Variants in SARS2 observed in about 807,000 individuals in gnomAD.
SARS2 encodes serine--tRNA ligase, mitochondrial.
SARS2 carries 52 observed loss-of-function variants against 66.8 expected under a neutral mutation model. The ratio of observed to expected loss-of-function variants is 0.78; its 90% CI spans 0.62 to 0.98. The LOEUF (loss-of-function observed/expected upper bound fraction) is 0.98, where lower values mean the gene tolerates loss of function less well. Ranked by LOEUF, SARS2 falls within the 50% of genes least tolerant of loss-of-function variation. The pLI, the probability that SARS2 is intolerant of heterozygous loss-of-function variation, is 0.00. For synonymous variants in SARS2, 306 were observed against 281.4 expected (o/e 1.09, Z -0.87); for missense variants, 673 against 706.3 (o/e 0.95, Z 0.53).
chr19:38,920,924 T>C (rs1170393629), intron 5 of SARS2, among the ~76,000 whole-genome samples: 13 of 127,780 alleles, frequency 1.0e-4, no homozygotes, highest in African/African-American at 3.4e-4. Context: ...CACACAGAGA[T>C]AGACACACAC....
chr19:38,926,328 T>G (rs370855951), intron 1 of SARS2, 28 bp from the exon 2 acceptor site: 1 of 1,594,614 alleles, frequency 6.3e-7, no homozygotes, highest in African/African-American at 1.3e-5. Flanking sequence ...GAAAAGGAGA[T>G]GAAGCAGCCA....
intron 1 of SARS2, among the ~76,000 whole-genome samples, chr19:38,929,276 T>C (rs1466128820): frequency 6.9e-6 from 1 of 144,942 alleles, no homozygotes; most frequent in Admixed American, 6.9e-5. Flanking sequence ...TTGTGGAGTC[T>C]GGGTGTGGTG....
rs752862405 is a variant in SARS2, at chr19:38,919,855, G to A, written c.666C>T (p.His222=). The stretch of plus-strand genomic sequence containing the variant: ...GGTAATAGGACCGGTGGCCAGACAC[G>A]TGGGACAGGCGCCTGGGAGACAGAC... ...LDIIRQKRLS[H]VSGHRSYYLR... The change falls in exon 7 of 16, where the codon CAC becomes CAT. Residue 222 remains histidine (H), a synonymous_variant. Coordinates refer to ENST00000221431, the MANE Select transcript of SARS2 (RefSeq NM_017827.4). The A allele has an allele frequency of 3.7e-6, 6 of 1,614,002 alleles. No individual in the cohort carries two copies. The highest frequency in any genetic ancestry group is 1.1e-5 in the South Asian group (1 of 91,060).
chr19:38,917,801 C>T lies in SARS2; in HGVS notation c.1083G>A (p.Leu361=). The T allele has an allele frequency of 6.2e-7, 1 of 1,614,154 alleles. No homozygotes were observed. Among genetic ancestry groups the T allele is most frequent in the Non-Finnish European group, 8.5e-7 (1 of 1,180,000 alleles). The stretch of plus-strand genomic sequence containing the variant: ...CCTCCAGCAGCTGTGAGCTCTGCTC[C>T]AGCCCAGGGCCTGTCACCCCAAACA... ...VEMFGVTGPG[L]EQSSQLLEEF... Residue 361 remains leucine, a synonymous_variant, in exon 12 of 16, where the codon CTG becomes CTA. Coordinates refer to ENST00000221431, the MANE Select transcript of SARS2 (RefSeq NM_017827.4).
At chr19:38,922,369 C>T in intron 2 of SARS2, 102 bp from the exon 3 acceptor site, 3 of 1,122,088 alleles carry the variant, frequency 2.7e-6, no homozygotes, top group South Asian at 1.3e-5. Flanking sequence ...ATCTTAGTCT[C>T]CTGCTCTGTC....
chr19:38,926,384 C>A lies in SARS2; in HGVS notation c.268-84G>T, dbSNP rs147896546. The stretch of plus-strand genomic sequence containing the variant: ...GGAGCCCACTGGCCACCTGGACCTG[C>A]GGCGCAGTGAGGCAGAGATCCCTAC... On this transcript the variant is annotated intron_variant, in intron 1 of 15. Coordinates refer to ENST00000221431, the MANE Select transcript of SARS2 (RefSeq NM_017827.4). 5 of 1,286,834 alleles carry A rather than the reference C, an allele frequency of 3.9e-6. No individual in the cohort carries two copies. The East Asian group carries it at 1.2e-4, about 31-fold the overall frequency. The allele number at this position is 1,286,834 out of a possible 1,614,324, so 79.7% of individuals were successfully genotyped here. A position where few individuals can be genotyped will look rare whatever the true frequency, so the allele number is the denominator to read the frequency against.
chr19:38,929,255 G>C (rs544684916), intron 1 of SARS2, among the ~76,000 whole-genome samples: 2 of 149,988 alleles, frequency 1.3e-5, no homozygotes, highest in African/African-American at 2.5e-5. Context: ...GGCACAGCAG[G>C]GTACTTAAGA....
intron 5 of SARS2, 37 bp downstream of exon 5, chr19:38,921,355 A>C (rs1974531285): frequency 6.2e-7 from 1 of 1,608,084 alleles, no homozygotes; most frequent in South Asian, 1.1e-5. Flanking sequence ...CCCACACCGC[A>C]GGGCTTGTCA....
rs536592553 is a variant in SARS2, at chr19:38,927,542, C to T, written c.268-1242G>A. On this transcript the variant is annotated intron_variant, in intron 1 of 15. Transcript: ENST00000221431. ...GCCATGAGCCAAGATCATGCCACTG[C>T]ACTCCAGCGTGGGTGACAGAGTGAG... 2.0e-5 allele frequency among the ~76,000 whole-genome samples: 3 copies of T among 150,938 alleles called. No individual in the cohort carries two copies. The East Asian group carries it at 5.9e-4, about 30-fold the overall frequency.
At chr19:38,920,804 GAC>G (rs1369420973) in intron 5 of SARS2, among the ~76,000 whole-genome samples, 12 of 150,352 alleles carry the variant, frequency 8.0e-5, no homozygotes, top group Admixed American at 6.6e-4. Flanking sequence ...TACACACACA[GAC>G]ACACAGAGAC....
chr19:38,916,314 C>A lies in SARS2; in HGVS notation c.1161G>T (p.Arg387=), dbSNP rs1291151841. ...EILTELGLHF[R]VLDMPTQELG... is the part of the protein sequence containing the mutation. ...GTTCTTGGGTGGGCATATCCAGGAC[C>A]CTGCGGTCAAGGACGAAGGTGTGGG... Residue 387 remains arginine (R), a splice_region_variant and synonymous_variant, in exon 13 of 16, where the codon CGG becomes CGT. Coordinates refer to ENST00000221431, the MANE Select transcript of SARS2 (RefSeq NM_017827.4). 3 of 1,613,896 alleles carry A rather than the reference C, an allele frequency of 1.9e-6. No individual in the cohort carries two copies. The highest frequency in any genetic ancestry group is 1.7e-5 in the Admixed American group (1 of 60,010).
At chr19:38,922,134 A>T in intron 3 of SARS2, 104 bp downstream of exon 3, 1 of 1,603,718 alleles carries the variant, frequency 6.2e-7, no homozygotes, top group Non-Finnish European at 8.5e-7. Context: ...TTTCCCCTTA[A>T]ACCTGTTTGA....
intron 5 of SARS2, among the ~76,000 whole-genome samples, chr19:38,920,644 C>G (rs185522715): frequency 1.3e-5 from 2 of 151,880 alleles, no homozygotes; most frequent in East Asian, 3.9e-4. Flanking sequence ...CACACAGAGA[C>G]AGACACATAC....
At chr19:38,928,619 A>C (rs1047135551) in intron 1 of SARS2, among the ~76,000 whole-genome samples, 9 of 152,150 alleles carry the variant, frequency 5.9e-5, no homozygotes, top group South Asian at 4.1e-4. Flanking sequence ...CTGCTAAAGG[A>C]TGTGACGCTC....
At chr19:38,929,723 A>G (rs1731398500) in intron 1 of SARS2, among the ~76,000 whole-genome samples, 1 of 152,206 alleles carries the variant, frequency 6.6e-6, no homozygotes, top group Non-Finnish European at 1.5e-5. Flanking sequence ...CCTACTTCAT[A>G]GAGTTGCTGT....
intron 12 of SARS2, 68 bp from the exon 13 acceptor site, chr19:38,916,382 A>G: frequency 1.4e-6 from 2 of 1,409,622 alleles, no homozygotes; most frequent in Non-Finnish European, 2.0e-6. Flanking sequence ...AACAAATGGA[A>G]ACGATGGAAG....
At chr19:38,925,198 A>G (rs1294279207) in intron 2 of SARS2, among the ~76,000 whole-genome samples, 2 of 152,168 alleles carry the variant, frequency 1.3e-5, no homozygotes, top group Non-Finnish European at 2.9e-5. Context: ...CTGTAATCCC[A>G]GCTACTGGGG....
rs11083489 is a variant in SARS2, at chr19:38,918,596, C to A, written c.808-66G>T. 0.66 allele frequency: 944,225 copies of A among 1,433,304 alleles called. 317,720 individuals are homozygous for A. Among genetic ancestry groups the A allele is most frequent in the East Asian group, 0.97 (42,771 of 43,892 alleles). The allele number at this position is 1,433,304 out of a possible 1,614,324, so 88.8% of individuals were successfully genotyped here. On this transcript the variant is annotated intron_variant, in intron 8 of 15. Transcript: ENST00000221431. ...AACCCTGGCCTCTCGTTTTACAGTCCCAACCCCAGCTCCTCCCCTGAAAAC... is the reference window on the plus strand; with the variant it reads ...AACCCTGGCCTCTCGTTTTACAGTCACAACCCCAGCTCCTCCCCTGAAAAC...
At chr19:38,925,176 G>A (rs1314863972) in intron 2 of SARS2, among the ~76,000 whole-genome samples, 1 of 152,134 alleles carries the variant, frequency 6.6e-6, no homozygotes, top group Non-Finnish European at 1.5e-5. Context: ...AGCCGGGCGT[G>A]GTGGCGCATG....
Sources: allele counts gnomAD v4.1 joint callset (sites outside exome capture counted in the v4.1 genomes callset), GRCh38; gene constraint gnomAD v4.1.1; transcripts MANE v1.5; gene names NCBI Gene and HGNC (gene_info 2026-07-23, HGNC 2026-07-21).